The following ULK4 variants were observed in gnomAD, a reference collection of about 807,000 sequenced individuals.
ULK4 encodes the protein inactive serine/threonine-protein kinase ULK4.
Under a neutral mutation model 160.6 loss-of-function variants are expected in ULK4, and 133 were observed. The observed-to-expected ratio is 0.83, with a 90% CI of 0.72 to 0.96. The LOEUF (loss-of-function observed/expected upper bound fraction) is 0.96. Among genes scored for constraint, ULK4 ranks in the 40% least tolerant of loss-of-function variants. ULK4 has a pLI of 0.00. For synonymous variants in ULK4, 534 were observed against 539.8 expected, an observed-to-expected ratio of 0.99 and a Z score of 0.15; for missense variants, 1,580 against 1,499.5, an observed-to-expected ratio of 1.05 and a Z score of -0.89.
chr3:41,681,562 C>G lies in ULK4; in HGVS notation c.2924G>C (p.Ser975Thr). 6.2e-7 allele frequency: 1 copy of G among 1,614,024 alleles called. No individual in the cohort carries two copies. Among genetic ancestry groups the G allele is most frequent in the Non-Finnish European group, 8.5e-7 (1 of 1,179,984 alleles). Reference protein sequence around the residue: ...QEFGDGKEKASVDSDSNLLAL... With the variant: ...QEFGDGKEKATVDSDSNLLAL... ...CAGAAGATTGCTGTCAGAATCAACA[C>G]TGGCCTTCTCCTTGCCATCCCCAAA... is the stretch of plus-strand genomic sequence containing the variant. Residue 975 changes from serine (S) to threonine (T), a missense_variant, in exon 29 of 37, where the codon AGT (serine) becomes ACT (threonine). Ser to Thr is a moderately conservative substitution (Grantham distance 58). Coordinates refer to ENST00000301831, the MANE Select transcript of ULK4 (RefSeq NM_017886.4).
At chr3:41,945,290 A>T (rs1241151505) in intron 2 of ULK4, among the ~76,000 whole-genome samples, 1 of 152,188 alleles carries the variant, frequency 6.6e-6, no homozygotes, top group East Asian at 1.9e-4. Context: ...TTTACCACTT[A>T]CATCAGTTTG....
At chr3:41,650,618 A>G (rs1232209212) in intron 30 of ULK4, among the ~76,000 whole-genome samples, 6 of 152,164 alleles carry the variant, frequency 3.9e-5, no homozygotes, top group African/African-American at 1.4e-4. Flanking sequence ...ACCCCATGCC[A>G]CTATGTGCCT....
At chr3:41,599,218 T>C (rs1189467565) in intron 31 of ULK4, among the ~76,000 whole-genome samples, 1 of 152,124 alleles carries the variant, frequency 6.6e-6, no homozygotes, top group African/African-American at 2.4e-5. Context: ...TTAGGTCAGC[T>C]GTTTAGGATG....
chr3:41,407,512 A>G (rs986394025), intron 34 of ULK4, among the ~76,000 whole-genome samples: 2 of 152,218 alleles, frequency 1.3e-5, no homozygotes, highest in African/African-American at 4.8e-5. Context: ...CAATATATGA[A>G]AAGTATTATA....
intron 35 of ULK4, among the ~76,000 whole-genome samples, chr3:41,274,966 T>C (rs1175128625): frequency 6.6e-6 from 1 of 152,224 alleles, no homozygotes; most frequent in East Asian, 1.9e-4. Flanking sequence ...AATGATTCTA[T>C]GTGGGAATGC....
chr3:41,515,286 CT>C (rs1200075982), intron 32 of ULK4, among the ~76,000 whole-genome samples: 1 of 151,384 alleles, frequency 6.6e-6, no homozygotes. Context: ...AAAAGATATG[CT>C]GAAGAAATAA....
intron 35 of ULK4, among the ~76,000 whole-genome samples, chr3:41,378,829 AAAAAAG>A (rs2081579274): frequency 6.6e-6 from 1 of 151,716 alleles, no homozygotes; most frequent in Non-Finnish European, 1.5e-5. Flanking sequence ...AAAATAAAAT[AAAAAAG>A]AAAATGTGGC....
At position 41,337,272 on chromosome 3, in the gene ULK4, T is replaced by C. The variant is rs140451719; in HGVS notation, c.3678+60807A>G. 3.3e-4 allele frequency among the ~76,000 whole-genome samples: 51 copies of C among 152,334 alleles called. 1 individual carries two copies. In the East Asian group the frequency reaches 9.8e-3, roughly 29 times the overall value. On this transcript the variant is annotated intron_variant, in intron 35 of 36. Transcript: ENST00000301831. ...TATAAAAATAAGAAGTTTGATAATT[T>C]TGGTAAATTAAAATTGACATTGATT...
chr3:41,254,111 A>G (rs564642872), intron 35 of ULK4, among the ~76,000 whole-genome samples: 1 of 152,358 alleles, frequency 6.6e-6, no homozygotes, highest in Non-Finnish European at 1.5e-5. Context: ...CAGCACGGAT[A>G]CAGAAGAACT....
chr3:41,522,048 A>T (rs897862556), intron 32 of ULK4, among the ~76,000 whole-genome samples: 2 of 151,926 alleles, frequency 1.3e-5, no homozygotes, highest in African/African-American at 4.8e-5. Flanking sequence ...ATAAATTTAC[A>T]TGTAGTGTTA....
rs568227788 is a variant in ULK4 at position 41,909,503 on chromosome 3, G to A, written c.1086-1562C>T. Reference sequence around the variant, plus strand: ...AAGACAGGCAGATCACCTGAGCTCAGGAGTTCGAGGCCAGCTGGGCAACTC... The same window carrying A: ...AAGACAGGCAGATCACCTGAGCTCAAGAGTTCGAGGCCAGCTGGGCAACTC... On this transcript the variant is annotated intron_variant, in intron 11 of 36. Transcript: ENST00000301831. 3.9e-5 allele frequency among the ~76,000 whole-genome samples: 6 copies of A among 152,170 alleles called. No individual in the cohort carries two copies. The South Asian group carries it at 1.0e-3, about 26-fold the overall frequency.
intron 35 of ULK4, among the ~76,000 whole-genome samples, chr3:41,306,137 G>T (rs1174393940): frequency 2.8e-5 from 3 of 107,270 alleles, no homozygotes; most frequent in African/African-American, 4.6e-5. Context: ...GTGGGGGGGG[G>T]GGGTCAGCCC....
At chr3:41,612,536 A>C (rs191615887) in intron 31 of ULK4, among the ~76,000 whole-genome samples, 2 of 152,348 alleles carry the variant, frequency 1.3e-5, no homozygotes, top group East Asian at 3.9e-4. Context: ...GTGCCTCCTC[A>C]GTAGGTAGTG....
rs114561522 is a variant in ULK4, at chr3:41,273,294, G to A, written c.3679-23720C>T. On this transcript the variant is annotated intron_variant, in intron 35 of 36. Coordinates refer to ENST00000301831, the MANE Select transcript of ULK4 (RefSeq NM_017886.4). ...TCTAGGACAAATTATTTCCCCTGTT[G>A]AGGCAAGACCCTTCTGTGTATTCTA... is the stretch of plus-strand genomic sequence containing the variant. 5.1e-3 allele frequency among the ~76,000 whole-genome samples: 783 copies of A among 152,224 alleles called. 9 individuals are homozygous for A. Among genetic ancestry groups the A allele is most frequent in the African/African-American group, 0.017 (714 of 41,520 alleles).
At chr3:41,905,803 G>A (rs966690696) in intron 12 of ULK4, among the ~76,000 whole-genome samples, 2 of 152,092 alleles carry the variant, frequency 1.3e-5, no homozygotes, top group Non-Finnish European at 2.9e-5. Flanking sequence ...AGCTGGGCGC[G>A]GTGGCTCACG....
intron 17 of ULK4, among the ~76,000 whole-genome samples, chr3:41,868,808 T>A (rs377016482): frequency 6.6e-6 from 1 of 151,670 alleles, no homozygotes; most frequent in Admixed American, 6.6e-5. Flanking sequence ...GTCTTTTTTT[T>A]CCCCCCCAAT....
intron 31 of ULK4, among the ~76,000 whole-genome samples, chr3:41,575,145 A>C (rs2088144126): frequency 6.6e-6 from 1 of 152,254 alleles, no homozygotes; most frequent in Non-Finnish European, 1.5e-5. Flanking sequence ...AAGGGTGAGA[A>C]ACAGGGAAGG....
chr3:41,314,608 C>T (rs2125723689), intron 35 of ULK4, among the ~76,000 whole-genome samples: 1 of 152,262 alleles, frequency 6.6e-6, no homozygotes, highest in South Asian at 2.1e-4. Context: ...TATGTATATT[C>T]TGTAGTTTCC....
At chr3:41,902,071 AAAAG>A (rs1481662459) in intron 12 of ULK4, among the ~76,000 whole-genome samples, 1 of 152,218 alleles carries the variant, frequency 6.6e-6, no homozygotes, top group East Asian at 1.9e-4. Flanking sequence ...AGGGAAAAAA[AAAAG>A]AGAGAGAGAA....
Sources: allele counts gnomAD v4.1 joint callset (sites outside exome capture counted in the v4.1 genomes callset), GRCh38; gene constraint gnomAD v4.1.1; transcripts MANE v1.5; gene names NCBI Gene and HGNC (gene_info 2026-07-23, HGNC 2026-07-21).